Variants in PELP1 observed in about 807,000 individuals in gnomAD.
PELP1 encodes the protein proline, glutamate and leucine rich protein 1, also known as proline-, glutamic acid- and leucine-rich protein 1.
PELP1 carries 32 observed loss-of-function variants against 95.5 expected under a neutral mutation model. That is an observed-to-expected ratio of 0.34 (90% CI 0.25 to 0.45). The LOEUF (loss-of-function observed/expected upper bound fraction) is 0.45, where lower values mean the gene tolerates loss of function less well. PELP1 is among the 20% of genes least tolerant of loss of function. The pLI, the probability that PELP1 is intolerant of heterozygous loss-of-function variation, is 1.00. For missense variants in PELP1, 1,358 were observed against 1,444.8 expected, an observed-to-expected ratio of 0.94 and a Z score of 0.97; for synonymous variants, 668 against 600.1, an observed-to-expected ratio of 1.11 and a Z score of -1.65.
In PELP1 at chr17:4,682,860, G is replaced by A; in HGVS notation, c.513C>T (p.Asp171=). The stretch of plus-strand genomic sequence containing the variant: ...GGCCAGGGAGGTGGTTCATGGAGAT[G>A]TCCCGGAACAGTGCAGGCAGCTGGG... ...YAAQLPALFR[D]ISMNHLPGLL... Residue 171 remains aspartate (D), a synonymous_variant, in exon 4 of 17, where the codon GAC becomes GAT. Transcript: ENST00000572293. 1.2e-6 allele frequency: 2 copies of A among 1,602,108 alleles called. No homozygotes were observed. The highest frequency in any genetic ancestry group is 1.1e-5 in the South Asian group (1 of 88,446).
intron 3 of PELP1, among the ~76,000 whole-genome samples, chr17:4,685,902 G>A (rs1438802521): frequency 6.6e-6 from 1 of 152,070 alleles, no homozygotes; most frequent in Non-Finnish European, 1.5e-5. Context: ...TTCAAGACCA[G>A]CCTGGCCAAC....
rs1567663680 is a variant in PELP1, at chr17:4,681,851, T to TA, written c.642+650_642+651insT. Among the ~76,000 whole-genome samples the TA allele has an allele frequency of 1.9e-3, 282 of 150,770 alleles. 1 individual carries two copies. Among genetic ancestry groups the TA allele is most frequent in the African/African-American group, 5.9e-3 (241 of 41,064 alleles). On this transcript the variant is annotated intron_variant, in intron 5 of 16. Transcript: ENST00000572293. ...TGTGAATTGGTTGAACGTTAAAAAT[T>TA]TAAAAAAAAAATGAATAAAGTAAGA... is the stretch of plus-strand genomic sequence containing the variant.
intron 13 of PELP1, chr17:4,674,018 TA>T (rs1433871562): frequency 2.8e-6 from 1 of 352,610 alleles, no homozygotes; most frequent in African/African-American, 2.1e-5. Flanking sequence ...AGTATCCGAC[TA>T]GCAACCTGTG....
At position 4,703,791 on chromosome 17, in the gene PELP1, A is replaced by G. The variant is rs1312921579; in HGVS notation, c.249+72T>C. 5.2e-6 allele frequency: 7 copies of G among 1,355,934 alleles called. No homozygotes were observed. In the African/African-American group the frequency reaches 1.0e-4, roughly 20 times the overall value. 84.0% of individuals were successfully genotyped at this position (1,355,934 alleles called of 1,614,324 possible). A position where few individuals can be genotyped will look rare whatever the true frequency, so the allele number is the denominator to read the frequency against. ...AACCTCCCTATCGCACTTGCACTGC[A>G]CCGTAATCCCGGCGCACAGGTGCCG... On this transcript the variant is annotated intron_variant, in intron 1 of 16. Transcript: ENST00000572293.
chr17:4,670,738 A>C lies in PELP1; in HGVS notation c.*701T>G, dbSNP rs111899245. On this transcript the variant is annotated 3_prime_UTR_variant, in exon 17 of 17. Coordinates refer to ENST00000572293, the MANE Select transcript of PELP1 (RefSeq NM_014389.3). The stretch of plus-strand genomic sequence containing the variant: ...CCATCTCAAAAAAAAAAAGAAAAGA[A>C]AAGACACTGGGTGGGAAATATCCAC... 0.021 allele frequency: 3,240 copies of C among 152,398 alleles called. 114 individuals are homozygous for C. Among genetic ancestry groups the C allele is most frequent in the African/African-American group, 0.07 (2,910 of 41,510 alleles). 9.4% of individuals were successfully genotyped at this position (152,398 alleles called of 1,614,324 possible).
Position 4,671,923 on chromosome 17 carries a change from G to C in PELP1, c.3068C>G (p.Ala1023Gly). 1 of 1,519,584 alleles carries C rather than the reference G, an allele frequency of 6.6e-7. No homozygotes were observed. The allele number at this position is 1,519,584 out of a possible 1,614,324, so 94.1% of individuals were successfully genotyped here. The change falls in exon 16 of 17, where the codon GCT (alanine) becomes GGT (glycine). Residue 1023 changes from alanine to glycine, a missense_variant. Around this residue, in one of 7 missense-constraint regions of PELP1, gnomAD observed 283 missense variants for 284.1 expected, o/e 1.00. Coordinates refer to ENST00000572293, the MANE Select transcript of PELP1 (RefSeq NM_014389.3). ...GTEEERGADT[A>G]PTLAPEALPS... ...GAGCGCTTCAGGGGCCAGGGTGGGAGCTGTGTCAGCCCCACGCTCCTCCTC... is the reference window on the plus strand; with the variant it reads ...GAGCGCTTCAGGGGCCAGGGTGGGACCTGTGTCAGCCCCACGCTCCTCCTC...
rs199636910 is a variant in PELP1, at chr17:4,672,445, A to G, written c.2546T>C (p.Val849Ala). The G allele has an allele frequency of 5.7e-3, 8,921 of 1,568,850 alleles. 36 individuals carry two copies. Among genetic ancestry groups the G allele is most frequent in the Non-Finnish European group, 6.9e-3 (8,022 of 1,157,460 alleles). Residue 849 changes from valine (V) to alanine (A), a missense_variant, in exon 16 of 17, where the codon GTT becomes GCT. Transcript: ENST00000572293. ...TGGAGGGAGCGTCACAGGACCAGGA[A>G]CAGGCGGCGGCGGAGGTGGGGGTGG... The part of the protein sequence containing the change: ...LPPPPPPPPP[V>A]PGPVTLPPPQ...
In PELP1 at chr17:4,673,296, C is replaced by T; in HGVS notation, c.1799G>A (p.Cys600Tyr). 1 of 1,583,914 alleles carries T rather than the reference C, an allele frequency of 6.3e-7. No homozygotes were observed. Among genetic ancestry groups the T allele is most frequent in the Non-Finnish European group, 8.6e-7 (1 of 1,164,884 alleles). ...PSPRCPPPLA[C>Y]ALQAFSLGQR... Reference sequence around the variant, plus strand: ...GCCGAGGGAGAAGGCTTGCAGGGCACAGGCAAGAGGAGGTGGGCAGCGAGG... The same window carrying T: ...GCCGAGGGAGAAGGCTTGCAGGGCATAGGCAAGAGGAGGTGGGCAGCGAGG... Residue 600 changes from cysteine to tyrosine, a missense_variant, in exon 15 of 17, where the codon TGT becomes TAT. Physicochemically the swap from Cys to Tyr is radical, Grantham distance 194. Coordinates refer to ENST00000572293, the MANE Select transcript of PELP1 (RefSeq NM_014389.3). This position sits in a 1 kb window ranked among gnomAD's most constrained non-coding sequence, Gnocchi z 5.7.
In PELP1 at chr17:4,691,451, A is replaced by G; in HGVS notation, c.250-9T>C. Reference sequence around the variant, plus strand: ...CCAAGAGCTGAAAGGTTCTGGAGGAAAGAAAACAGGGAAGCGAGTCACAAA... The same window carrying G: ...CCAAGAGCTGAAAGGTTCTGGAGGAGAGAAAACAGGGAAGCGAGTCACAAA... On this transcript the variant is annotated splice_polypyrimidine_tract_variant and intron_variant, in intron 1 of 16. Transcript: ENST00000572293. 1.2e-6 allele frequency: 2 copies of G among 1,609,324 alleles called. No individual in the cohort carries two copies.
At chr17:4,697,535 CAA>C (rs921640531) in intron 1 of PELP1, among the ~76,000 whole-genome samples, 1 of 151,992 alleles carries the variant, frequency 6.6e-6, no homozygotes, top group Non-Finnish European at 1.5e-5. Context: ...CAAACAAAAA[CAA>C]AAAGACAGGG....
intron 1 of PELP1, among the ~76,000 whole-genome samples, chr17:4,695,094 G>A (rs936353952): frequency 8.6e-4 from 129 of 149,498 alleles, no homozygotes; most frequent in Non-Finnish European, 1.4e-3. Context: ...CAGCCGAAGC[G>A]GGTGGATCAC....
rs768321494 is a variant in PELP1, at chr17:4,691,333, C to G, written c.314+45G>C. 2.8e-6 allele frequency: 4 copies of G among 1,411,002 alleles called. No individual in the cohort carries two copies. The East Asian group carries it at 9.1e-5, about 32-fold the overall frequency. The allele number at this position is 1,411,002 out of a possible 1,614,324, so 87.4% of individuals were successfully genotyped here. ...GCAAAGATGTACATATGCCCACTTC[C>G]TAAGGGAACACGCCCCTGGAGAAAA... is the stretch of plus-strand genomic sequence containing the variant. On this transcript the variant is annotated intron_variant, in intron 2 of 16. Coordinates refer to ENST00000572293, the MANE Select transcript of PELP1 (RefSeq NM_014389.3).
chr17:4,703,602 GC>G lies in PELP1; in HGVS notation c.249+260del, dbSNP rs201603544. ...GATTATACAACTAGTGAGTGACCGG[GC>G]CTGGAACCTAATCGATTCCTGTGTG... is the stretch of plus-strand genomic sequence containing the variant. On this transcript the variant is annotated intron_variant, in intron 1 of 16. Coordinates refer to ENST00000572293, the MANE Select transcript of PELP1 (RefSeq NM_014389.3). Among the ~76,000 whole-genome samples, 1,519 of 152,312 alleles carry G rather than the reference GC, an allele frequency of 1.0e-2. 26 individuals carry two copies. Among genetic ancestry groups the G allele is most frequent in the African/African-American group, 0.033 (1,381 of 41,556 alleles).
chr17:4,682,478 G>C, intron 5 of PELP1, 24 bp downstream of exon 5: 2 of 1,484,380 alleles, frequency 1.3e-6, no homozygotes, highest in Non-Finnish European at 1.9e-6. Flanking sequence ...ACACTGGTGG[G>C]GAGAAGAGTG....
chr17:4,680,874 C>T (rs1912659130), intron 5 of PELP1, among the ~76,000 whole-genome samples: 1 of 152,182 alleles, frequency 6.6e-6, no homozygotes, highest in East Asian at 1.9e-4. Context: ...TTACGAATGG[C>T]CCTTTAACTG....
In PELP1 at chr17:4,673,868, G is replaced by T. The variant is rs923956031; in HGVS notation, c.1583-194C>A. On this transcript the variant is annotated intron_variant, in intron 13 of 16. Transcript: ENST00000572293. This position sits in a 1 kb window ranked among gnomAD's most constrained non-coding sequence, Gnocchi z 5.7. ...AGGGCCACTGACGGTATTTAATTGAGACAATGTAAGTAAAAAATTATAAAT... is the reference window on the plus strand; with the variant it reads ...AGGGCCACTGACGGTATTTAATTGATACAATGTAAGTAAAAAATTATAAAT... 1.8e-6 allele frequency: 1 copy of T among 562,636 alleles called. No individual in the cohort carries two copies. 34.9% of individuals were successfully genotyped at this position (562,636 alleles called of 1,614,324 possible).
rs1027297007 is a variant in PELP1 at position 4,673,066 on chromosome 17, C to A, written c.1925G>T (p.Gly642Val). 2 of 1,526,848 alleles carry A rather than the reference C, an allele frequency of 1.3e-6. No individual in the cohort carries two copies. Among genetic ancestry groups the A allele is most frequent in the Admixed American group, 4.4e-5 (2 of 45,672 alleles). The allele number at this position is 1,526,848 out of a possible 1,614,324, so 94.6% of individuals were successfully genotyped here. ...TGGAGCAGGTGTGGGGCAGGTGGGG[C>A]CCATGGGCTGCAGGGGAGGAACCCG... ...HPRVPPLQPM[G>V]PTCPTPAPVP... is the part of the protein sequence containing the mutation. The change falls in exon 16 of 17, where the codon GGC becomes GTC. Residue 642 changes from glycine (G) to valine (V), a missense_variant. By Grantham distance (109) the Gly-to-Val change is moderately radical. Coordinates refer to ENST00000572293, the MANE Select transcript of PELP1 (RefSeq NM_014389.3). This position sits in a 1 kb window ranked among gnomAD's most constrained non-coding sequence, Gnocchi z 5.7.
chr17:4,683,092 A>C, intron 3 of PELP1, 140 bp from the exon 4 acceptor site: 1 of 1,325,960 alleles, frequency 7.5e-7, no homozygotes, highest in South Asian at 2.4e-5. Flanking sequence ...GGCAGAAAAG[A>C]GGGTGTGGAG....
At chr17:4,679,032 C>CT (rs58935401) in intron 5 of PELP1, among the ~76,000 whole-genome samples, 23,454 of 146,526 alleles carry the variant, frequency 0.16, 2,350 homozygotes, top group Middle Eastern at 0.24. Context: ...TCCAGATGAC[C>CT]TTTTTTTTTT....
Sources: gnomAD v4.1 joint callset for allele counts (sites outside exome capture counted in the v4.1 genomes callset) on GRCh38, gnomAD v4.1.1 for gene constraint, gnomAD v4.1.1 regional missense constraint, Gnocchi (gnomAD v3.1) non-coding constraint, MANE v1.5 for transcripts, NCBI Gene and HGNC (gene_info 2026-07-23, HGNC 2026-07-21) for gene names.